DISP1: variants seen among roughly 807,000 people sequenced by gnomAD.
DISP1 encodes dispatched RND transporter family member 1.
A neutral mutation model predicts 37.3 loss-of-function variants in DISP1; 30 were observed. The ratio of observed to expected loss-of-function variants is 0.80; its 90% CI spans 0.60 to 1.09. The LOEUF (loss-of-function observed/expected upper bound fraction) is 1.09, where lower values mean the gene tolerates loss of function less well. Ranked by LOEUF, DISP1 falls within the 50% of genes least tolerant of loss-of-function variation. DISP1 has a pLI of 0.00. For synonymous variants in DISP1, 634 were observed against 690.2 expected (o/e 0.92, Z 1.28); for missense variants, 1,598 against 1,879.5 (o/e 0.85, Z 2.77).
chr1:222,974,551 A>G (rs533229621), intron 3 of DISP1, among the ~76,000 whole-genome samples: 68 of 152,224 alleles, frequency 4.5e-4, no homozygotes, highest in African/African-American at 1.5e-3. Context: ...TTCCTAGTTT[A>G]TTTTGTATAG....
At chr1:222,977,853 A>G (rs1243206552) in intron 3 of DISP1, among the ~76,000 whole-genome samples, 1 of 152,234 alleles carries the variant, frequency 6.6e-6, no homozygotes, top group East Asian at 1.9e-4. Context: ...TGTTCCTACA[A>G]AGGACATGAA....
chr1:222,913,094 T>TA (rs949145907), intron 1 of DISP1, among the ~76,000 whole-genome samples: 5 of 151,986 alleles, frequency 3.3e-5, no homozygotes, highest in East Asian at 1.9e-4. Flanking sequence ...TGGAATATAG[T>TA]AAAAAAAATA....
chr1:222,979,997 A>T (rs1449011848), intron 3 of DISP1: 1 of 157,210 alleles, frequency 6.4e-6, no homozygotes, highest in South Asian at 1.9e-4. Context: ...GTTAATTGCT[A>T]CAAAAAAATT....
rs371163462 is a variant in DISP1 at position 223,002,544 on chromosome 1, C to T, written c.1147C>T (p.Arg383Trp). Residue 383 changes from arginine (R) to tryptophan (W), a missense_variant, in exon 9 of 9, where the codon CGG becomes TGG. Coordinates refer to ENST00000675850, the MANE Select transcript of DISP1 (RefSeq NM_001377229.1). ...RDVSHTLKLL[R>W]TCAKHYQNGT... ...CGTTTCTCATACCTTGAAGCTGCTT[C>T]GGACTTGTGCCAAACACTACCAAAA... 1.2e-5 allele frequency: 20 copies of T among 1,614,056 alleles called. No homozygotes were observed. Among genetic ancestry groups the T allele is most frequent in the Admixed American group, 5.0e-5 (3 of 60,010 alleles).
At chr1:222,992,410 T>C (rs1391180604) in intron 7 of DISP1, among the ~76,000 whole-genome samples, 1 of 152,220 alleles carries the variant, frequency 6.6e-6, no homozygotes, top group Non-Finnish European at 1.5e-5. Context: ...CAAGTCTTTT[T>C]AAAAATTCCT....
At chr1:222,857,685 G>A (rs568220841) in intron 1 of DISP1, among the ~76,000 whole-genome samples, 19 of 152,242 alleles carry the variant, frequency 1.2e-4, no homozygotes, top group African/African-American at 3.9e-4. Context: ...ATTCACAATT[G>A]CTACAAAGAG....
At chr1:222,881,746 T>A (rs1347502803) in intron 1 of DISP1, among the ~76,000 whole-genome samples, 2 of 152,226 alleles carry the variant, frequency 1.3e-5, no homozygotes, top group Admixed American at 1.3e-4. Flanking sequence ...TGTAGATTTT[T>A]ACGGGTCATT....
chr1:222,981,451 C>T (rs1677831886), intron 3 of DISP1, among the ~76,000 whole-genome samples: 1 of 152,160 alleles, frequency 6.6e-6, no homozygotes, highest in African/African-American at 2.4e-5. Context: ...GCTTAGAATC[C>T]ATAACGAGGG....
chr1:222,826,804 C>T (rs773253129), intron 1 of DISP1, among the ~76,000 whole-genome samples: 2 of 152,160 alleles, frequency 1.3e-5, no homozygotes, highest in Admixed American at 6.5e-5. Context: ...TATCAGGGAG[C>T]TACTAACTAA....
chr1:222,891,115 G>GGA (rs1277585626), intron 1 of DISP1, among the ~76,000 whole-genome samples: 3 of 152,080 alleles, frequency 2.0e-5, no homozygotes, highest in African/African-American at 7.2e-5. Flanking sequence ...AGAGGAGGGG[G>GGA]GATGACTTTT....
At chr1:222,829,829 G>A (rs951914472) in intron 1 of DISP1, among the ~76,000 whole-genome samples, 1 of 152,064 alleles carries the variant, frequency 6.6e-6, no homozygotes, top group Non-Finnish European at 1.5e-5. Flanking sequence ...TAGGATACAT[G>A]TGTTGTGTTT....
At chr1:222,906,663 A>G (rs914446105) in intron 1 of DISP1, among the ~76,000 whole-genome samples, 2 of 152,260 alleles carry the variant, frequency 1.3e-5, no homozygotes, top group African/African-American at 4.8e-5. Context: ...AACATCAGGA[A>G]GTTACCCTAT....
intron 1 of DISP1, among the ~76,000 whole-genome samples, chr1:222,891,778 T>G (rs1309961698): frequency 6.6e-6 from 1 of 151,986 alleles, no homozygotes; most frequent in Non-Finnish European, 1.5e-5. Flanking sequence ...GTACAACAGG[T>G]TATAGAATAG....
intron 1 of DISP1, among the ~76,000 whole-genome samples, chr1:222,911,626 C>T (rs1454123166): frequency 6.6e-6 from 1 of 152,058 alleles, no homozygotes; most frequent in East Asian, 1.9e-4. Context: ...CTCAAACAAT[C>T]CTTCTGCCTC....
chr1:222,888,524 G>A (rs1054594734), intron 1 of DISP1, among the ~76,000 whole-genome samples: 1 of 152,092 alleles, frequency 6.6e-6, no homozygotes, highest in Admixed American at 6.6e-5. Context: ...AAGGAATGCC[G>A]AGGGTGGGGT....
In DISP1 at chr1:222,863,739, A is replaced by AGTT. The variant is rs1015437863; in HGVS notation, c.-159+48664_-159+48666dup. 5.9e-5 allele frequency among the ~76,000 whole-genome samples: 9 copies of AGTT among 152,250 alleles called. No homozygotes were observed. The South Asian group carries it at 6.2e-4, about 11-fold the overall frequency. On this transcript the variant is annotated intron_variant, in intron 1 of 8. Transcript: ENST00000675850. The stretch of plus-strand genomic sequence containing the variant: ...TCATAGATACTTATTTTATTCAATG[A>AGTT]GTTGTAATCCATTGCTGTCATTAAT...
chr1:222,817,105 C>T (rs545163323), intron 1 of DISP1, among the ~76,000 whole-genome samples: 5 of 152,282 alleles, frequency 3.3e-5, no homozygotes, highest in Non-Finnish European at 7.4e-5. Flanking sequence ...CCCTGTATTC[C>T]GGAAAATCTT....
chr1:222,929,349 G>A (rs1411608040), intron 2 of DISP1, among the ~76,000 whole-genome samples: 1 of 152,078 alleles, frequency 6.6e-6, no homozygotes, highest in Non-Finnish European at 1.5e-5. Flanking sequence ...TGTGAAATAT[G>A]TTTATGTTTG....
chr1:222,983,042 G>C, intron 3 of DISP1, 38 bp from the exon 4 acceptor site: 2 of 1,527,020 alleles, frequency 1.3e-6, no homozygotes, highest in Non-Finnish European at 1.8e-6. Context: ...ATGATGCTCT[G>C]TTTTTGATCA....
Sources: gnomAD v4.1 joint callset for allele counts (sites outside exome capture counted in the v4.1 genomes callset) on GRCh38, gnomAD v4.1.1 for gene constraint, MANE v1.5 for transcripts, NCBI Gene and HGNC (gene_info 2026-07-23, HGNC 2026-07-21) for gene names.